Variants in CCSER1 observed in about 807,000 individuals in gnomAD.
The protein encoded by CCSER1 is serine-rich coiled-coil domain-containing protein 1.
Under a neutral mutation model 82.0 loss-of-function variants are expected in CCSER1, and 41 were observed. That is an observed-to-expected ratio of 0.50 (90% CI 0.39 to 0.65). The LOEUF is 0.65. Ranked by LOEUF, CCSER1 falls within the 30% of genes least tolerant of loss-of-function variation. The pLI, the probability that CCSER1 is intolerant of heterozygous loss-of-function variation, is 0.00. For missense variants in CCSER1, 1,119 were observed against 1,064.2 expected (o/e 1.05, Z -0.72); for synonymous variants, 414 against 383.9 (o/e 1.08, Z -0.92).
chr4:90,500,832 T>A (rs182002794), intron 5 of CCSER1, among the ~76,000 whole-genome samples: 57 of 152,240 alleles, frequency 3.7e-4, no homozygotes, highest in African/African-American at 1.3e-3. Context: ...ATATAGGAAA[T>A]TAACAGTAGC....
At chr4:91,352,582 T>C (rs1344992354) in intron 10 of CCSER1, among the ~76,000 whole-genome samples, 2 of 152,194 alleles carry the variant, frequency 1.3e-5, no homozygotes, top group Non-Finnish European at 2.9e-5. Context: ...ATAATGGTTA[T>C]ACAGGGGTCA....
intron 10 of CCSER1, among the ~76,000 whole-genome samples, chr4:91,091,119 A>G (rs868862957): frequency 3.9e-5 from 6 of 152,274 alleles, no homozygotes; most frequent in Admixed American, 1.3e-4. Context: ...TTTTTTCCCA[A>G]TTAAAAGAGC....
chr4:91,347,028 C>A (rs1748108408), intron 10 of CCSER1, among the ~76,000 whole-genome samples: 1 of 151,864 alleles, frequency 6.6e-6, no homozygotes, highest in Non-Finnish European at 1.5e-5. Context: ...TTGTTTTATG[C>A]ATCAGGCTTT....
At chr4:91,074,706 G>A (rs1721779175) in intron 9 of CCSER1, among the ~76,000 whole-genome samples, 3 of 152,216 alleles carry the variant, frequency 2.0e-5, no homozygotes, top group African/African-American at 7.2e-5. Flanking sequence ...TGAAGAGGTT[G>A]AGCTACAGTT....
chr4:91,011,339 C>CT lies in CCSER1; in HGVS notation c.2173-74611_2173-74610insT, dbSNP rs539263889. 1.6e-4 allele frequency among the ~76,000 whole-genome samples: 22 copies of CT among 134,076 alleles called. 3 individuals carry two copies. In the South Asian group the frequency reaches 4.8e-3, roughly 29 times the overall value. 88.0% of individuals were successfully genotyped at this position (134,076 alleles called of 152,430 possible). ...AAATAGGGATACTTAGCTTAGGGGA[C>CT]CTCTCTTGGTGCTGGATCTGACATG... On this transcript the variant is annotated intron_variant, in intron 9 of 10. Transcript: ENST00000509176.
At position 91,406,132 on chromosome 4, in the gene CCSER1, CATA is replaced by C. The variant is rs551202788; in HGVS notation, c.2218-192435_2218-192433del. 2.5e-3 allele frequency among the ~76,000 whole-genome samples: 378 copies of C among 152,156 alleles called. 3 individuals are homozygous for C. The South Asian group carries it at 0.033, about 13-fold the overall frequency. On this transcript the variant is annotated intron_variant, in intron 10 of 10. Transcript: ENST00000509176. ...TTTGTTAACTTGTAACATGAAATTG[CATA>C]ATAAGAGTCAAGACCCATAAGTGTG...
In CCSER1 at chr4:91,114,231, T is replaced by C. The variant is rs548629973; in HGVS notation, c.2217+28237T>C. Among the ~76,000 whole-genome samples, 5 of 152,332 alleles carry C rather than the reference T, an allele frequency of 3.3e-5. No individual in the cohort carries two copies. The East Asian group carries it at 9.7e-4, about 29-fold the overall frequency. The stretch of plus-strand genomic sequence containing the variant: ...ACAGACACTACCTCCAAGCAGCTTA[T>C]AAGCTTATGATGTTTCCTTGATTCA... On this transcript the variant is annotated intron_variant, in intron 10 of 10. Transcript: ENST00000509176.
intron 4 of CCSER1, among the ~76,000 whole-genome samples, chr4:90,414,193 A>G (rs1755448481): frequency 6.6e-6 from 1 of 150,918 alleles, no homozygotes; most frequent in South Asian, 2.1e-4. Flanking sequence ...AAATTTAAAA[A>G]TAAAATTAAA....
intron 5 of CCSER1, among the ~76,000 whole-genome samples, chr4:90,538,206 G>A (rs901959313): frequency 4.6e-5 from 7 of 152,078 alleles, no homozygotes; most frequent in Non-Finnish European, 1.0e-4. Flanking sequence ...TAGGGATGGG[G>A]CTGGGGGTTG....
At chr4:90,366,395 G>A (rs1348517765) in intron 3 of CCSER1, among the ~76,000 whole-genome samples, 1 of 151,668 alleles carries the variant, frequency 6.6e-6, no homozygotes, top group Non-Finnish European at 1.5e-5. Context: ...ATTCATAAGT[G>A]TATAAATTTA....
intron 8 of CCSER1, among the ~76,000 whole-genome samples, chr4:90,831,344 T>G (rs1354263844): frequency 6.6e-6 from 1 of 152,210 alleles, no homozygotes; most frequent in Non-Finnish European, 1.5e-5. Context: ...ACTGAGATAT[T>G]GGATTGCATA....
chr4:91,445,865 G>T (rs894717759), intron 10 of CCSER1, among the ~76,000 whole-genome samples: 5 of 151,006 alleles, frequency 3.3e-5, no homozygotes, highest in Admixed American at 1.3e-4. Flanking sequence ...AAAATAGTGG[G>T]TTTTTTTTTC....
chr4:90,401,630 C>A (rs556285485), intron 4 of CCSER1, among the ~76,000 whole-genome samples: 5 of 152,184 alleles, frequency 3.3e-5, no homozygotes, highest in Non-Finnish European at 7.4e-5. Flanking sequence ...GCCTCCTGGG[C>A]TCAAGTAAAT....
intron 3 of CCSER1, among the ~76,000 whole-genome samples, chr4:90,350,181 T>C (rs188983796): frequency 2.6e-5 from 4 of 152,206 alleles, no homozygotes; most frequent in East Asian, 1.9e-4. Flanking sequence ...TTCTGCAAGG[T>C]AGAGGGACTG....
intron 10 of CCSER1, among the ~76,000 whole-genome samples, chr4:91,158,771 A>G (rs890050064): frequency 3.9e-5 from 6 of 152,012 alleles, no homozygotes; most frequent in South Asian, 4.2e-4. Context: ...CTCAAAGTGG[A>G]ACAGTGACTT....
chr4:90,489,184 T>C (rs1467563838), intron 5 of CCSER1, among the ~76,000 whole-genome samples: 1 of 152,194 alleles, frequency 6.6e-6, no homozygotes, highest in Non-Finnish European at 1.5e-5. Context: ...TGATTAATGT[T>C]TCAGTATATC....
intron 10 of CCSER1, among the ~76,000 whole-genome samples, chr4:91,177,305 C>T (rs531230311): frequency 3.3e-5 from 5 of 152,150 alleles, no homozygotes; most frequent in Non-Finnish European, 5.9e-5. Flanking sequence ...CTCTGCCAGG[C>T]TTTGGTATCA....
chr4:91,444,518 C>T (rs1055434750), intron 10 of CCSER1, among the ~76,000 whole-genome samples: 40 of 151,878 alleles, frequency 2.6e-4, no homozygotes, highest in South Asian at 1.7e-3. Flanking sequence ...GGCACCATCT[C>T]GGCTCACTGC....
At chr4:90,225,277 T>C (rs1198373024) in intron 1 of CCSER1, among the ~76,000 whole-genome samples, 1 of 147,228 alleles carries the variant, frequency 6.8e-6, no homozygotes, top group Admixed American at 6.9e-5. Flanking sequence ...GGTTTTTCCA[T>C]GTTTCCCAGG....
Sources: allele counts gnomAD v4.1 joint callset (sites outside exome capture counted in the v4.1 genomes callset), GRCh38; gene constraint gnomAD v4.1.1; transcripts MANE v1.5; gene names NCBI Gene and HGNC (gene_info 2026-07-23, HGNC 2026-07-21).